HCFC1: variants seen among roughly 807,000 people sequenced by gnomAD.
HCFC1 encodes the protein host cell factor C1.
Under a neutral mutation model 105.5 loss-of-function variants are expected in HCFC1, and 7 were observed. That is an observed-to-expected ratio of 0.07 (90% CI 0.04 to 0.12). HCFC1 has a LOEUF of 0.12. HCFC1 is among the 10% of genes least tolerant of loss of function. HCFC1 has a pLI of 1.00. For synonymous variants in HCFC1, 918 were observed against 828.1 expected (o/e 1.11, Z -1.86); for missense variants, 1,065 against 1,823.6 (o/e 0.58, Z 7.58).
rs2065313751 is a variant in HCFC1 at position 153,951,722 on chromosome X, G to A, written c.5261-15C>T. ...TGGAGCCAGGCCTAGGAAGAAAGAA[G>A]GTGTCAGCGGGAAAGACTCGGGAAA... On this transcript the variant is annotated splice_polypyrimidine_tract_variant and intron_variant, in intron 20 of 25. Transcript: ENST00000310441. The A allele has an allele frequency of 8.4e-7, 1 of 1,192,386 alleles. No homozygotes were observed. The highest frequency in any genetic ancestry group is 1.7e-5 in the African/African-American group (1 of 57,160).
At chrX:153,967,158 C>T (rs1275717454) in intron 1 of HCFC1, among the ~76,000 whole-genome samples, 2 of 112,294 alleles carry the variant, frequency 1.8e-5, no homozygotes, top group Admixed American at 9.4e-5. Context: ...GCAAGCTCTC[C>T]TCCCTTCTCC....
chrX:153,953,889 C>A, intron 17 of HCFC1, 119 bp from the exon 18 acceptor site: 2 of 896,207 alleles, frequency 2.2e-6, no homozygotes, highest in East Asian at 3.4e-5. Flanking sequence ...GGACAGGCTC[C>A]TGGAGACCTC....
At chrX:153,963,136 C>T (rs2065444870) in intron 4 of HCFC1, 89 bp downstream of exon 4, 3 of 679,457 alleles carry the variant, frequency 4.4e-6, no homozygotes, top group African/African-American at 4.2e-5. Context: ...AGAGCCCCAC[C>T]TCACCATACA....
At position 153,958,244 on chromosome X, in the gene HCFC1, G is replaced by A. The variant is rs201136322; in HGVS notation, c.1809C>T (p.Ser603=). The change falls in exon 11 of 26, where the codon AGC becomes AGT. Residue 603 remains serine (S), a synonymous_variant. Transcript: ENST00000310441. ...TCTTCAGCATGCGAGTGGCAGGGTT[G>A]CTCACCTGGAGGAGGCAGAGACGAG... ...VKVASSPVMV[S]NPATRMLKTA... 2 of 1,203,860 alleles carry A rather than the reference G, an allele frequency of 1.7e-6. No homozygotes were observed. Among genetic ancestry groups the A allele is most frequent in the African/African-American group, 1.7e-5 (1 of 57,340 alleles).
Position 153,951,921 on chromosome X carries a change from G to A in HCFC1, c.5180C>T (p.Ala1727Val). The stretch of plus-strand genomic sequence containing the variant: ...CTCATTGAGGCAATTGCTCTCAATG[G>A]CTGGGTCGTTGAGACTGTCGGCAGG... ...LAPADSLNDP[A>V]IESNCLNELA... The change falls in exon 20 of 26, where the codon GCC (alanine) becomes GTC (valine). Residue 1727 changes from alanine (A) to valine (V), a missense_variant. Physicochemically the swap from Ala to Val is moderately conservative, Grantham distance 64 (BLOSUM62 0). Around this residue, in one of 17 missense-constraint regions of HCFC1, gnomAD observed 115 missense variants for 143.7 expected, o/e 0.80. Coordinates refer to ENST00000310441, the MANE Select transcript of HCFC1 (RefSeq NM_005334.3). The A allele has an allele frequency of 8.4e-7, 1 of 1,188,885 alleles. No individual in the cohort carries two copies.
intron 18 of HCFC1, among the ~76,000 whole-genome samples, chrX:153,953,288 C>T (rs781884748): frequency 5.5e-4 from 62 of 112,005 alleles, no homozygotes; most frequent in Admixed American, 5.3e-3. Context: ...TTGAGACCCC[C>T]GGTCAGGTTT....
chrX:153,951,100 G>C (rs1447953138), intron 22 of HCFC1, 102 bp from the exon 23 acceptor site: 1 of 846,113 alleles, frequency 1.2e-6, no homozygotes, highest in Admixed American at 2.6e-5. Context: ...AGAGGGAAAA[G>C]AGGTCAGCGG....
chrX:153,952,083 T>G lies in HCFC1; in HGVS notation c.5018A>C (p.Glu1673Ala). ...GGTGGTGGCCTGGCCCTCCTGACCCTCGGCCGACAGGTGCCCCAGCTCCGC... is the reference window on the plus strand; with the variant it reads ...GGTGGTGGCCTGGCCCTCCTGACCCGCGGCCGACAGGTGCCCCAGCTCCGC... The part of the protein sequence containing the change: ...TQAELGHLSA[E>A]GQEGQATTIP... Residue 1673 changes from glutamate (E) to alanine (A), a missense_variant, in exon 20 of 26, where the codon GAG becomes GCG. Glu to Ala is a moderately radical substitution (Grantham distance 107). Around this residue, in one of 17 missense-constraint regions of HCFC1, gnomAD observed 115 missense variants for 143.7 expected, o/e 0.80. Coordinates refer to ENST00000310441, the MANE Select transcript of HCFC1 (RefSeq NM_005334.3). The G allele has an allele frequency of 8.6e-7, 1 of 1,163,470 alleles. No individual in the cohort carries two copies. The highest frequency in any genetic ancestry group is 1.1e-6 in the Non-Finnish European group (1 of 872,553).
rs2065417035 is a variant in HCFC1, at chrX:153,960,244, G to GCAGACCTGGTT, written c.1074_1075insAACCAGGTCTG (p.Leu359AsnfsTer5). On this transcript the variant is annotated frameshift_variant, in exon 7 of 26. Coordinates refer to ENST00000310441, the MANE Select transcript of HCFC1 (RefSeq NM_005334.3). LOFTEE classifies it high-confidence loss of function. ...GCTGGGCCGGGCCTACCTGTCTCTA[G>GCAGACCTGGTT]GTACCAGAGGTCCTTGCAGCAGACC... The GCAGACCTGGTT allele has an allele frequency of 8.4e-7, 1 of 1,188,782 alleles. No individual in the cohort carries two copies. Among genetic ancestry groups the GCAGACCTGGTT allele is most frequent in the Non-Finnish European group, 1.1e-6 (1 of 883,456 alleles).
At position 153,961,710 on chromosome X, in the gene HCFC1, C is replaced by T. The variant is rs1376601324; in HGVS notation, c.798-62G>A. On this transcript the variant is annotated intron_variant, in intron 5 of 25. Coordinates refer to ENST00000310441, the MANE Select transcript of HCFC1 (RefSeq NM_005334.3). ...GAGTTGGTGCCAAGCTAGAGGCCAC[C>T]TCTGCTACCCCAGTTCTAGAGCTCA... is the stretch of plus-strand genomic sequence containing the variant. The T allele has an allele frequency of 7.4e-6, 6 of 814,481 alleles. No homozygotes were observed. The East Asian group carries it at 1.3e-4, about 18-fold the overall frequency. 67.1% of individuals were successfully genotyped at this position (814,481 alleles called of 1,213,427 possible).
rs372071273 is a variant in HCFC1, at chrX:153,950,298, G to A, written c.5949C>T (p.Ile1983=). The A allele has an allele frequency of 2.6e-5, 31 of 1,206,515 alleles. No individual in the cohort carries two copies. The highest frequency in any genetic ancestry group is 1.0e-4 in the African/African-American group (6 of 57,432). The part of the protein sequence containing the change: ...YTTKPAIIFR[I]AARNEKGYGP... ...CATAGCCCTTCTCATTGCGGGCGGCGATGCGGAAGATGATGGCGGGCTTGG... is the reference window on the plus strand; with the variant it reads ...CATAGCCCTTCTCATTGCGGGCGGCAATGCGGAAGATGATGGCGGGCTTGG... Residue 1983 remains isoleucine (I), a synonymous_variant, in exon 24 of 26, where the codon ATC becomes ATT. Coordinates refer to ENST00000310441, the MANE Select transcript of HCFC1 (RefSeq NM_005334.3).
chrX:153,957,826 C>A lies in HCFC1; in HGVS notation c.2089G>T (p.Val697Phe). ...VQTKPVQTSA[V>F]TGQASTGPVT... ...GGACCCGTGGACGCCTGGCCTGTGA[C>A]TGCTGAAGTCTGAACTGGTTTGGTC... The change falls in exon 12 of 26, where the codon GTC (valine) becomes TTC (phenylalanine). Residue 697 changes from valine to phenylalanine, a missense_variant. Physicochemically the swap from Val to Phe is conservative, Grantham distance 50. Transcript: ENST00000310441. 1 of 1,210,869 alleles carries A rather than the reference C, an allele frequency of 8.3e-7. No homozygotes were observed. Among genetic ancestry groups the A allele is most frequent in the Non-Finnish European group, 1.1e-6 (1 of 894,428 alleles).
At position 153,971,398 on chromosome X, in the gene HCFC1, T is replaced by G. The variant is rs1452794566; in HGVS notation, c.-558A>C. On this transcript the variant is annotated 5_prime_UTR_variant, in exon 1 of 26. Coordinates refer to ENST00000310441, the MANE Select transcript of HCFC1 (RefSeq NM_005334.3). ...CCGTCCCGCTTCCCCGCCCAGCGCC[T>G]TAGTGCAGCCGCCGCTCCCGAAACA... 2 of 291,830 alleles carry G rather than the reference T, an allele frequency of 6.9e-6. No homozygotes were observed. The highest frequency in any genetic ancestry group is 1.2e-5 in the Non-Finnish European group (2 of 167,842). The allele number at this position is 291,830 out of a possible 1,213,427, so 24.1% of individuals were successfully genotyped here. A position where few individuals can be genotyped will look rare whatever the true frequency, so the allele number is the denominator to read the frequency against.
At chrX:153,951,054 C>A in intron 22 of HCFC1, 56 bp from the exon 23 acceptor site, 1 of 1,045,596 alleles carries the variant, frequency 9.6e-7, no homozygotes, top group Admixed American at 2.2e-5. Context: ...TCTGGGCCAC[C>A]CCAGGAACAC....
chrX:153,951,827 C>T lies in HCFC1; in HGVS notation c.5260+14G>A. On this transcript the variant is annotated intron_variant, in intron 20 of 25. Transcript: ENST00000310441. ...CCCCACCACCCCAGCACCAATTCGC[C>T]CTCAGTCGCTTACTCTCAGTGGCCG... 1 of 1,185,523 alleles carries T rather than the reference C, an allele frequency of 8.4e-7. No homozygotes were observed. The highest frequency in any genetic ancestry group is 1.7e-5 in the African/African-American group (1 of 57,548).
rs1557117869 is a variant in HCFC1, at chrX:153,964,596, A to G, written c.324T>C (p.Asn108=). 8.3e-7 allele frequency: 1 copy of G among 1,203,515 alleles called. No homozygotes were observed. Among genetic ancestry groups the G allele is most frequent in the South Asian group, 1.8e-5 (1 of 54,766 alleles). Residue 108 remains asparagine (N), a synonymous_variant, in exon 2 of 26, where the codon AAT becomes AAC. Coordinates refer to ENST00000310441, the MANE Select transcript of HCFC1 (RefSeq NM_005334.3). ...GCTTTACCTGGAGTTCGTAGAGGTC[A>G]TTGCTGTATTTCCCATACTCCACCA... The part of the protein sequence containing the change: ...GGMVEYGKYS[N]DLYELQASRW...
chrX:153,951,878 G>A lies in HCFC1; in HGVS notation c.5223C>T (p.Pro1741=). The A allele has an allele frequency of 8.4e-7, 1 of 1,196,382 alleles. No individual in the cohort carries two copies. The part of the protein sequence containing the change: ...NCLNELAGTV[P]STVALLPSTA... ...TTGAGGGCAGCAGCGCCACAGTGCTGGGGACCGTGCCGGCCAGCTCATTGA... is the reference window on the plus strand; with the variant it reads ...TTGAGGGCAGCAGCGCCACAGTGCTAGGGACCGTGCCGGCCAGCTCATTGA... Residue 1741 remains proline, a synonymous_variant, in exon 20 of 26, where the codon CCC becomes CCT. Transcript: ENST00000310441.
At position 153,950,483 on chromosome X, in the gene HCFC1, C is replaced by T; in HGVS notation, c.5764G>A (p.Glu1922Lys). The T allele has an allele frequency of 8.4e-7, 1 of 1,191,018 alleles. No homozygotes were observed. The highest frequency in any genetic ancestry group is 2.3e-5 in the Admixed American group (1 of 44,289). ...TGGATGGCCAGGTACACGGAGTACT[C>T]GATAATCTTGCCGGAGGTCACAGAG... ...PPSVTSGKII[E>K]YSVYLAIQSS... The change falls in exon 24 of 26, where the codon GAG becomes AAG. Residue 1922 changes from glutamate (E) to lysine (K), a missense_variant. By Grantham distance (56) the Glu-to-Lys change is moderately conservative. Transcript: ENST00000310441.
Position 153,951,922 on chromosome X carries a change from C to T in HCFC1, c.5179G>A (p.Ala1727Thr). Residue 1727 changes from alanine (A) to threonine (T), a missense_variant, in exon 20 of 26, where the codon GCC becomes ACC. Coordinates refer to ENST00000310441, the MANE Select transcript of HCFC1 (RefSeq NM_005334.3). ...TCATTGAGGCAATTGCTCTCAATGG[C>T]TGGGTCGTTGAGACTGTCGGCAGGG... ...LAPADSLNDP[A>T]IESNCLNELA... 8.4e-7 allele frequency: 1 copy of T among 1,188,874 alleles called. No homozygotes were observed. The highest frequency in any genetic ancestry group is 1.1e-6 in the Non-Finnish European group (1 of 882,648).
Sources: allele counts gnomAD v4.1 joint callset (sites outside exome capture counted in the v4.1 genomes callset), GRCh38; gene constraint gnomAD v4.1.1; regional missense constraint gnomAD v4.1.1; transcripts MANE v1.5; gene names NCBI Gene and HGNC (gene_info 2026-07-23, HGNC 2026-07-21).